Variants in NUP54 observed in about 807,000 individuals in gnomAD.
The protein encoded by NUP54 is nucleoporin p54.
A neutral mutation model predicts 66.4 loss-of-function variants in NUP54; 27 were observed. The observed-to-expected ratio is 0.41, with a 90% CI of 0.30 to 0.56. NUP54 has a LOEUF of 0.56. Ranked by LOEUF, NUP54 falls within the 20% of genes least tolerant of loss-of-function variation. The pLI is 0.34. For missense variants in NUP54, 486 were observed against 596.3 expected, an observed-to-expected ratio of 0.82 and a Z score of 1.93; for synonymous variants, 206 against 210.7, an observed-to-expected ratio of 0.98 and a Z score of 0.19.
chr4:76,121,795 A>G (rs553014751), intron 9 of NUP54, among the ~76,000 whole-genome samples: 1 of 152,320 alleles, frequency 6.6e-6, no homozygotes, highest in East Asian at 1.9e-4. Context: ...ACATTTTCCT[A>G]TTTCCAGATA....
chr4:76,142,137 C>G (rs57313943), intron 3 of NUP54, among the ~76,000 whole-genome samples: 3 of 152,116 alleles, frequency 2.0e-5, no homozygotes, highest in African/African-American at 7.2e-5. Flanking sequence ...CCTAAAAAAA[C>G]CAAATGTAAC....
intron 3 of NUP54, among the ~76,000 whole-genome samples, chr4:76,143,654 A>G (rs1211777617): frequency 6.6e-6 from 1 of 152,208 alleles, no homozygotes; most frequent in Admixed American, 6.5e-5. Context: ...GCCTATGGAG[A>G]TTTAAGACAG....
intron 11 of NUP54, 68 bp from the exon 12 acceptor site, chr4:76,115,562 A>G (rs1729916458): frequency 2.3e-6 from 3 of 1,290,790 alleles, no homozygotes; most frequent in Admixed American, 2.8e-5. Flanking sequence ...GTCACAGGAA[A>G]AAAGACTCCA....
At chr4:76,144,840 C>T (rs1242559475) in intron 1 of NUP54, among the ~76,000 whole-genome samples, 1 of 152,126 alleles carries the variant, frequency 6.6e-6, no homozygotes, top group African/African-American at 2.4e-5. Context: ...AAGATTTAGA[C>T]TGATAACAGT....
intron 9 of NUP54, among the ~76,000 whole-genome samples, chr4:76,124,334 G>A (rs1288399871): frequency 6.6e-6 from 1 of 152,006 alleles, no homozygotes; most frequent in African/African-American, 2.4e-5. Context: ...ACTATTTTAT[G>A]AAACTATTTT....
intron 8 of NUP54, among the ~76,000 whole-genome samples, chr4:76,127,527 G>A (rs920702354): frequency 6.6e-6 from 1 of 150,686 alleles, no homozygotes; most frequent in African/African-American, 2.4e-5. Context: ...ACTTCATGAT[G>A]ACAACAAAAG....
At chr4:76,124,401 T>G (rs1055155712) in intron 9 of NUP54, among the ~76,000 whole-genome samples, 1 of 152,168 alleles carries the variant, frequency 6.6e-6, no homozygotes, top group Non-Finnish European at 1.5e-5. Flanking sequence ...CTAAGATGCT[T>G]TATTTCTTCA....
At chr4:76,133,465 C>G (rs922112318) in intron 5 of NUP54, among the ~76,000 whole-genome samples, 4 of 152,006 alleles carry the variant, frequency 2.6e-5, no homozygotes, top group Admixed American at 2.0e-4. Flanking sequence ...GCCACCACGC[C>G]CGGCTGATTT....
intron 9 of NUP54, among the ~76,000 whole-genome samples, chr4:76,119,382 T>C (rs1730125197): frequency 6.6e-6 from 1 of 151,822 alleles, no homozygotes. Context: ...CTTTTTTTGG[T>C]TGTTGTTTTT....
At chr4:76,118,258 A>G (rs1354127086) in intron 9 of NUP54, 64 bp from the exon 10 acceptor site, 1 of 1,403,256 alleles carries the variant, frequency 7.1e-7, no homozygotes, top group Non-Finnish European at 1.0e-6. Context: ...AAGTAGTAGT[A>G]GTACAATTAG....
chr4:76,125,640 G>GA (rs1730459033), intron 8 of NUP54, among the ~76,000 whole-genome samples: 1 of 45,828 alleles, frequency 2.2e-5, no homozygotes, highest in Non-Finnish European at 4.1e-5. Context: ...GGGGGAGAGG[G>GA]GGAGAGGGGG....
intron 6 of NUP54, 159 bp downstream of exon 6, chr4:76,132,360 AAATG>A (rs1424430846): frequency 6.5e-6 from 3 of 459,600 alleles, no homozygotes; most frequent in Admixed American, 4.1e-5. Context: ...ATAAAAAACT[AAATG>A]AATACAAATA....
At chr4:76,129,615 A>G (rs2109878315) in intron 8 of NUP54, among the ~76,000 whole-genome samples, 1 of 152,304 alleles carries the variant, frequency 6.6e-6, no homozygotes, top group African/African-American at 2.4e-5. Flanking sequence ...CTGTAACCCT[A>G]GCACTTTCGG....
intron 10 of NUP54, 96 bp downstream of exon 10, chr4:76,117,979 A>G (rs1219458294): frequency 9.4e-6 from 12 of 1,283,028 alleles, no homozygotes; most frequent in Admixed American, 3.9e-5. Flanking sequence ...GATAAGAAAC[A>G]CAAGTATACA....
chr4:76,126,690 A>C (rs1490509532), intron 8 of NUP54, among the ~76,000 whole-genome samples: 1 of 152,224 alleles, frequency 6.6e-6, no homozygotes. Flanking sequence ...GAAAGAACGC[A>C]TGAGATTTTA....
rs752458221 is a variant in NUP54, at chr4:76,115,385, C to A, written c.1505G>T (p.Arg502Ile). 7.5e-6 allele frequency: 12 copies of A among 1,604,518 alleles called. No individual in the cohort carries two copies. ...EHGLNETIHI[R>I]GGVFS ...GAACTGTCAACTAAAGACACCACCT[C>A]TGATGTGGATGGTTTCATTCAATCC... is the stretch of plus-strand genomic sequence containing the variant. The change falls in exon 12 of 12, where the codon AGA (arginine) becomes ATA (isoleucine). Residue 502 changes from arginine to isoleucine, a missense_variant. Transcript: ENST00000264883.
At chr4:76,143,583 G>C (rs184155361) in intron 3 of NUP54, among the ~76,000 whole-genome samples, 36 of 152,258 alleles carry the variant, frequency 2.4e-4, no homozygotes, top group African/African-American at 8.4e-4. Context: ...CAGCCTGGGC[G>C]ACAGAGCAAG....
chr4:76,136,050 T>A, intron 4 of NUP54, 136 bp downstream of exon 4: 1 of 656,728 alleles, frequency 1.5e-6, no homozygotes, highest in Non-Finnish European at 2.6e-6. Context: ...ATAATTTCTA[T>A]ATTTTCAAAA....
chr4:76,129,863 C>CAAAAA (rs747413034), intron 8 of NUP54, among the ~76,000 whole-genome samples: 1 of 37,612 alleles, frequency 2.7e-5, no homozygotes, highest in Non-Finnish European at 6.3e-5. Context: ...AGAGACGTCT[C>CAAAAA]AAAAAAAAAA....
Sources: gnomAD v4.1 joint callset for allele counts (sites outside exome capture counted in the v4.1 genomes callset) on GRCh38, gnomAD v4.1.1 for gene constraint, MANE v1.5 for transcripts, NCBI Gene and HGNC (gene_info 2026-07-23, HGNC 2026-07-21) for gene names.